Variants in LDLRAD3 observed in about 807,000 individuals in gnomAD.
The protein encoded by LDLRAD3 is low-density lipoprotein receptor class A domain-containing protein 3.
In LDLRAD3, 20 loss-of-function variants were observed where a neutral mutation model predicts 29.4. The ratio of observed to expected loss-of-function variants is 0.68; its 90% CI spans 0.48 to 0.99. The LOEUF (loss-of-function observed/expected upper bound fraction) is 0.99. Ranked by LOEUF, LDLRAD3 falls within the 50% of genes least tolerant of loss-of-function variation. The probability of loss-of-function intolerance (pLI) is 0.00; values close to 1 mark genes in which losing one functional copy is unlikely to be tolerated. For synonymous variants in LDLRAD3, 157 were observed against 192.7 expected, an observed-to-expected ratio of 0.81 and a Z score of 1.53; for missense variants, 420 against 454.3, an observed-to-expected ratio of 0.92 and a Z score of 0.69.
chr11:36,189,020 A>C (rs192560423), intron 4 of LDLRAD3, among the ~76,000 whole-genome samples: 11 of 151,656 alleles, frequency 7.3e-5, no homozygotes, highest in Admixed American at 1.3e-4. Context: ...TAAGACATTC[A>C]CATAGCATGC....
At chr11:36,000,014 CG>C (rs1379297831) in intron 1 of LDLRAD3, among the ~76,000 whole-genome samples, 1 of 152,048 alleles carries the variant, frequency 6.6e-6, no homozygotes, top group African/African-American at 2.4e-5. Flanking sequence ...AAATAAATTA[CG>C]GTACTACTAT....
chr11:36,153,448 T>C (rs551394738), intron 4 of LDLRAD3, among the ~76,000 whole-genome samples: 16 of 152,120 alleles, frequency 1.1e-4, no homozygotes, highest in Non-Finnish European at 2.2e-4. Context: ...TTGAACACAG[T>C]TGGGGGTATC....
intron 4 of LDLRAD3, among the ~76,000 whole-genome samples, chr11:36,102,338 A>T (rs1274185807): frequency 6.6e-6 from 1 of 152,150 alleles, no homozygotes; most frequent in Non-Finnish European, 1.5e-5. Context: ...GTTATGTGGG[A>T]GAAAATGATA....
intron 1 of LDLRAD3, chr11:35,972,427 C>G (rs374433384): frequency 6.6e-4 from 99 of 150,532 alleles, no homozygotes; most frequent in African/African-American, 2.3e-3. Context: ...TTTTTTTAAT[C>G]GTTTGTTTTC....
At chr11:36,070,461 G>C (rs76304894) in intron 2 of LDLRAD3, among the ~76,000 whole-genome samples, 1 of 152,278 alleles carries the variant, frequency 6.6e-6, no homozygotes, top group East Asian at 1.9e-4. Flanking sequence ...TTTCCTTGTG[G>C]ATATTTATCT....
At chr11:36,179,077 A>G (rs776892664) in intron 4 of LDLRAD3, among the ~76,000 whole-genome samples, 5 of 152,220 alleles carry the variant, frequency 3.3e-5, no homozygotes, top group African/African-American at 1.2e-4. Flanking sequence ...TTGAACAACA[A>G]TGAAGCAGGG....
At position 36,116,953 on chromosome 11, in the gene LDLRAD3, T is replaced by A. The variant is rs577046356; in HGVS notation, c.454+18492T>A. Among the ~76,000 whole-genome samples the A allele has an allele frequency of 8.3e-4, 126 of 152,032 alleles. 1 individual carries two copies. The highest frequency in any genetic ancestry group is 6.0e-4 in the Non-Finnish European group (41 of 67,986). On this transcript the variant is annotated intron_variant, in intron 4 of 5. Transcript: ENST00000315571. Reference sequence around the variant, plus strand: ...GCCTCCCGGGTTCAACCAATTCTCGTGCCTCAGCCTCCTGAGTAGCTGGGA... The same window carrying A: ...GCCTCCCGGGTTCAACCAATTCTCGAGCCTCAGCCTCCTGAGTAGCTGGGA...
At chr11:36,047,370 GT>G (rs1852465833) in intron 2 of LDLRAD3, among the ~76,000 whole-genome samples, 1 of 152,122 alleles carries the variant, frequency 6.6e-6, no homozygotes, top group Admixed American at 6.5e-5. Context: ...GGCCTCCAGT[GT>G]TTTTTAAATT....
intron 1 of LDLRAD3, among the ~76,000 whole-genome samples, chr11:36,016,135 G>A (rs977993342): frequency 6.6e-6 from 1 of 152,230 alleles, no homozygotes; most frequent in African/African-American, 2.4e-5. Context: ...GGCCTCTTGT[G>A]GGGAGTGGGG....
intron 5 of LDLRAD3, among the ~76,000 whole-genome samples, chr11:36,228,054 T>C (rs141546845): frequency 6.6e-6 from 1 of 152,190 alleles, no homozygotes; most frequent in Non-Finnish European, 1.5e-5. Flanking sequence ...ACTCCCAGTA[T>C]GTATAAAGCC....
At chr11:36,051,579 AC>A (rs1852528562) in intron 2 of LDLRAD3, among the ~76,000 whole-genome samples, 1 of 152,212 alleles carries the variant, frequency 6.6e-6, no homozygotes, top group African/African-American at 2.4e-5. Context: ...TCTTGACATT[AC>A]TTCATGCTTT....
chr11:36,128,139 T>TATATATATATATATATATATATATAG (rs1853868841), intron 4 of LDLRAD3, among the ~76,000 whole-genome samples: 1 of 132,678 alleles, frequency 7.5e-6, no homozygotes, highest in Non-Finnish European at 1.7e-5. Flanking sequence ...TATATATGTA[T>TATATATATATATATATATATATATAG]ATGACATGTA....
chr11:36,225,611 G>C (rs914773155), intron 4 of LDLRAD3, among the ~76,000 whole-genome samples: 1 of 152,088 alleles, frequency 6.6e-6, no homozygotes, highest in Non-Finnish European at 1.5e-5. Flanking sequence ...AGGTTCTGAA[G>C]TCAGACCCCT....
intron 2 of LDLRAD3, among the ~76,000 whole-genome samples, chr11:36,042,106 G>A (rs755543695): frequency 1.3e-5 from 2 of 152,088 alleles, no homozygotes; most frequent in Non-Finnish European, 2.9e-5. Flanking sequence ...TGATCACCAC[G>A]AAATATAAGA....
chr11:36,012,343 A>G (rs1411535713), intron 1 of LDLRAD3, among the ~76,000 whole-genome samples: 1 of 152,190 alleles, frequency 6.6e-6, no homozygotes, highest in Non-Finnish European at 1.5e-5. Flanking sequence ...TCACAATTTC[A>G]CAGATAGAAA....
intron 4 of LDLRAD3, among the ~76,000 whole-genome samples, chr11:36,128,542 G>A (rs1404471566): frequency 6.6e-6 from 1 of 151,870 alleles, no homozygotes; most frequent in Non-Finnish European, 1.5e-5. Context: ...CTACAATCCA[G>A]TTTTTAATCA....
intron 1 of LDLRAD3, among the ~76,000 whole-genome samples, chr11:36,030,136 G>C (rs1273324287): frequency 1.3e-5 from 2 of 152,204 alleles, no homozygotes; most frequent in Non-Finnish European, 2.9e-5. Flanking sequence ...CAGAGCTAGA[G>C]ATCTGGCTGT....
intron 1 of LDLRAD3, among the ~76,000 whole-genome samples, chr11:35,950,554 T>TTA (rs377191121): frequency 8.5e-5 from 13 of 152,074 alleles, no homozygotes; most frequent in South Asian, 2.1e-4. Context: ...TATACCCTGG[T>TTA]TATATATATA....
intron 1 of LDLRAD3, chr11:35,967,869 G>C: frequency 2.5e-6 from 1 of 397,948 alleles, no homozygotes; most frequent in Non-Finnish European, 4.9e-6. Flanking sequence ...TCTTCTGCCT[G>C]TAAGGGGTAG....
Sources: gnomAD v4.1 joint callset for allele counts (sites outside exome capture counted in the v4.1 genomes callset) on GRCh38, gnomAD v4.1.1 for gene constraint, MANE v1.5 for transcripts, NCBI Gene and HGNC (gene_info 2026-07-23, HGNC 2026-07-21) for gene names.